Variants in RBM42 observed in about 807,000 individuals in gnomAD.
RBM42 encodes the protein RNA-binding protein 42.
In RBM42, 21 loss-of-function variants were observed where a neutral mutation model predicts 41.4. That is an observed-to-expected ratio of 0.51 (90% CI 0.36 to 0.73). The LOEUF (loss-of-function observed/expected upper bound fraction) is 0.73, where lower values mean the gene tolerates loss of function less well. RBM42 is among the 30% of genes least tolerant of loss of function. The probability of loss-of-function intolerance (pLI) is 0.00; values close to 1 mark genes in which losing one functional copy is unlikely to be tolerated. For missense variants in RBM42, 539 were observed against 680.4 expected (o/e 0.79, Z 2.31); for synonymous variants, 272 against 271.2 (o/e 1.00, Z -0.03).
In RBM42 at chr19:35,631,357, C is replaced by A. The variant is rs1013160616; in HGVS notation, c.394C>A (p.His132Asn). The A allele has an allele frequency of 2.5e-6, 4 of 1,614,096 alleles. No homozygotes were observed. The highest frequency in any genetic ancestry group is 3.4e-6 in the Non-Finnish European group (4 of 1,180,048). The change falls in exon 4 of 10, where the codon CAC becomes AAC. Residue 132 changes from histidine (H) to asparagine (N), a missense_variant. This residue lies in a region of RBM42 where 429 missense variants were observed against 488.9 expected (regional missense o/e 0.88). Transcript: ENST00000262633. The stretch of plus-strand genomic sequence containing the variant: ...TGGCTTTGGCCCTGGTGATCGGAGT[C>A]ACCTGGACAGCCCAGAGGCTCGAGA... ...PVGFGPGDRS[H>N]LDSPEAREAM...
chr19:35,634,434 C>A, intron 8 of RBM42, 61 bp downstream of exon 8: 1 of 1,247,736 alleles, frequency 8.0e-7, no homozygotes, highest in Non-Finnish European at 1.2e-6. Flanking sequence ...GGCTGCTGTC[C>A]TTGGGCTGCA....
intron 6 of RBM42, 101 bp downstream of exon 6, chr19:35,633,353 T>C: frequency 1.1e-6 from 1 of 951,310 alleles, no homozygotes; most frequent in Non-Finnish European, 1.6e-6. Context: ...TCTCCTGACT[T>C]TCTGTTTCTC....
At chr19:35,632,850 C>T (rs550483433) in intron 4 of RBM42, 86 bp from the exon 5 acceptor site, 65 of 661,592 alleles carry the variant, frequency 9.8e-5, no homozygotes, top group Admixed American at 9.3e-5. Flanking sequence ...GCTGAGAGTG[C>T]ACACACACAC....
chr19:35,637,363 C>A lies in RBM42; in HGVS notation c.1330+11C>A. ...TGCGTGAGATGAATGGTGGGTGCGG[C>A]CTCCCCTGGGAACTGCAGGCGCGGC... is the stretch of plus-strand genomic sequence containing the variant. On this transcript the variant is annotated intron_variant, in intron 9 of 9. Transcript: ENST00000262633. The surrounding 1 kb of genome is among the most constrained non-coding windows in gnomAD (Gnocchi z 7.0). 6.2e-7 allele frequency: 1 copy of A among 1,614,096 alleles called. No homozygotes were observed. The highest frequency in any genetic ancestry group is 8.5e-7 in the Non-Finnish European group (1 of 1,179,940).
At chr19:35,633,568 T>A in intron 6 of RBM42, 119 bp from the exon 7 acceptor site, 1 of 946,828 alleles carries the variant, frequency 1.1e-6, no homozygotes, top group Non-Finnish European at 1.5e-6. Flanking sequence ...GACTCTCTGC[T>A]TGGGTGTCTC....
chr19:35,631,513 A>T, intron 4 of RBM42, 108 bp downstream of exon 4: 3 of 1,031,586 alleles, frequency 2.9e-6, no homozygotes, highest in African/African-American at 1.6e-5. Flanking sequence ...CTTTGATCCC[A>T]ACTTGATGTT....
At position 35,629,700 on chromosome 19, in the gene RBM42, C is replaced by T. The variant is rs1209852428; in HGVS notation, c.282+27C>T. ...TACGGCTGAGCTAAGGCATGTAAGT[C>T]AGGGAACACAATGCCTCGAACAGAG... On this transcript the variant is annotated intron_variant, in intron 2 of 9. Transcript: ENST00000262633. 4 of 1,612,140 alleles carry T rather than the reference C, an allele frequency of 2.5e-6. No homozygotes were observed. In the Admixed American group the frequency reaches 5.0e-5, roughly 20 times the overall value.
rs1036732870 is a variant in RBM42 at position 35,637,404 on chromosome 19, C to A, written c.1331-38C>A. 3 of 1,613,168 alleles carry A rather than the reference C, an allele frequency of 1.9e-6. No homozygotes were observed. Among genetic ancestry groups the A allele is most frequent in the South Asian group, 1.1e-5 (1 of 91,032 alleles). ...CAGGCGCGGCAGGCGCTGGCCTAAG[C>A]CTGACCCGAGCCTGCCTTGAACCCT... On this transcript the variant is annotated intron_variant, in intron 9 of 9. Coordinates refer to ENST00000262633, the MANE Select transcript of RBM42 (RefSeq NM_024321.5). This position sits in a 1 kb window ranked among gnomAD's most constrained non-coding sequence, Gnocchi z 7.0.
chr19:35,636,389 A>C (rs1468712067), intron 8 of RBM42, among the ~76,000 whole-genome samples: 1 of 151,792 alleles, frequency 6.6e-6, no homozygotes, highest in East Asian at 1.9e-4. Flanking sequence ...TGAACTCTTG[A>C]GCTCAAGTCA....
In RBM42 at chr19:35,629,079, G is replaced by T; in HGVS notation, c.-75G>T. ...CCTCGGGAGCCCACCCGGACGAAGG[G>T]GGAGAGTAGACAGCAGAACCAGCGG... On this transcript the variant is annotated 5_prime_UTR_variant, in exon 1 of 10. Coordinates refer to ENST00000262633, the MANE Select transcript of RBM42 (RefSeq NM_024321.5). 3.4e-6 allele frequency: 5 copies of T among 1,460,186 alleles called. No individual in the cohort carries two copies. The South Asian group carries it at 5.3e-5, about 16-fold the overall frequency. The allele number at this position is 1,460,186 out of a possible 1,614,324, so 90.5% of individuals were successfully genotyped here. A position where few individuals can be genotyped will look rare whatever the true frequency, so the allele number is the denominator to read the frequency against.
Position 35,631,397 on chromosome 19 carries a change from G to A in RBM42, c.434G>A (p.Arg145Gln), listed in dbSNP as rs147498802. The A allele has an allele frequency of 1.7e-5, 27 of 1,614,060 alleles. No homozygotes were observed. The highest frequency in any genetic ancestry group is 1.1e-4 in the African/African-American group (8 of 74,922). Residue 145 changes from arginine to glutamine, a missense_variant, in exon 4 of 10, where the codon CGG becomes CAG. Physicochemically the swap from Arg to Gln is conservative, Grantham distance 43 (BLOSUM62 1). Transcript: ENST00000262633. ...SPEAREAMFL[R>Q]RAAVAPQRAP... ...GAGGCTCGAGAAGCCATGTTCCTGC[G>A]GCGGGCAGGTGAGTCTGGGGCCAGG...
At chr19:35,630,166 T>G (rs1331827523) in intron 2 of RBM42, among the ~76,000 whole-genome samples, 2 of 151,688 alleles carry the variant, frequency 1.3e-5, no homozygotes, top group African/African-American at 4.8e-5. Flanking sequence ...TTACAAAAAT[T>G]AGCTGGGTGT....
chr19:35,634,655 A>ATT (rs1212390806), intron 8 of RBM42, among the ~76,000 whole-genome samples: 1 of 150,562 alleles, frequency 6.6e-6, no homozygotes, highest in Non-Finnish European at 1.5e-5. Flanking sequence ...TTAGGATAAA[A>ATT]ATTTTTTTTT....
At chr19:35,632,231 C>T (rs910580696) in intron 4 of RBM42, among the ~76,000 whole-genome samples, 8 of 152,116 alleles carry the variant, frequency 5.3e-5, no homozygotes, top group Non-Finnish European at 7.4e-5. Flanking sequence ...GCAAATCTGA[C>T]CTACTTCCCC....
At chr19:35,630,746 A>G (rs1967391147) in intron 2 of RBM42, among the ~76,000 whole-genome samples, 1 of 152,232 alleles carries the variant, frequency 6.6e-6, no homozygotes, top group East Asian at 1.9e-4. Flanking sequence ...AGCCTGGACA[A>G]TAGAGCGAGA....
chr19:35,629,167 G>A lies in RBM42; in HGVS notation c.14G>A (p.Gly5Glu). 6.6e-7 allele frequency: 1 copy of A among 1,523,158 alleles called. No homozygotes were observed. Among genetic ancestry groups the A allele is most frequent in the African/African-American group, 1.4e-5 (1 of 71,556 alleles). The allele number at this position is 1,523,158 out of a possible 1,614,324, so 94.4% of individuals were successfully genotyped here. A position where few individuals can be genotyped will look rare whatever the true frequency, so the allele number is the denominator to read the frequency against. The change falls in exon 1 of 10, where the codon GGG (glycine) becomes GAG (glutamate). Residue 5 changes from glycine to glutamate, a missense_variant. Physicochemically the swap from Gly to Glu is moderately conservative, Grantham distance 98 (BLOSUM62 -2). Around this residue, in one of 2 missense-constraint regions of RBM42, gnomAD observed 429 missense variants for 488.9 expected, o/e 0.88. Coordinates refer to ENST00000262633, the MANE Select transcript of RBM42 (RefSeq NM_024321.5). MAGA[G>E]PAPGLPGAGG... is the part of the protein sequence containing the mutation. ...ACGACGGCAGCGATGGCTGGGGCGGGGCCAGCCCCGGGACTCCCGGGTGCA... is the reference window on the plus strand; with the variant it reads ...ACGACGGCAGCGATGGCTGGGGCGGAGCCAGCCCCGGGACTCCCGGGTGCA...
chr19:35,634,419 G>C, intron 8 of RBM42, 46 bp downstream of exon 8: 4 of 1,415,008 alleles, frequency 2.8e-6, no homozygotes, highest in Non-Finnish European at 3.0e-6. Context: ...GCCAAGGTCA[G>C]ACCAGGCTGC....
In RBM42 at chr19:35,633,717, C is replaced by T; in HGVS notation, c.715C>T (p.Leu239=). 1.4e-6 allele frequency: 2 copies of T among 1,478,684 alleles called. No homozygotes were observed. Among genetic ancestry groups the T allele is most frequent in the Non-Finnish European group, 1.8e-6 (2 of 1,120,614 alleles). The allele number at this position is 1,478,684 out of a possible 1,614,324, so 91.6% of individuals were successfully genotyped here. Residue 239 remains leucine (L), a synonymous_variant, in exon 7 of 10, where the codon CTA becomes TTA. Coordinates refer to ENST00000262633, the MANE Select transcript of RBM42 (RefSeq NM_024321.5). Reference sequence around the variant, plus strand: ...GCCAGCAGCACCCCGAGAGCTGGGCCTAGGCCTGGGGTTGGGCCTGAAAGA... The same window carrying T: ...GCCAGCAGCACCCCGAGAGCTGGGCTTAGGCCTGGGGTTGGGCCTGAAAGA... ...EEPAAPRELG[L]GLGLGLKEKE...
chr19:35,634,656 ATT>A (rs74276917), intron 8 of RBM42, among the ~76,000 whole-genome samples: 20 of 139,782 alleles, frequency 1.4e-4, no homozygotes, highest in Non-Finnish European at 1.6e-4. Context: ...TAGGATAAAA[ATT>A]TTTTTTTTTT....
Sources: allele counts gnomAD v4.1 joint callset (sites outside exome capture counted in the v4.1 genomes callset), GRCh38; gene constraint gnomAD v4.1.1; regional missense constraint gnomAD v4.1.1; non-coding constraint Gnocchi (gnomAD v3.1); transcripts MANE v1.5; gene names NCBI Gene and HGNC (gene_info 2026-07-23, HGNC 2026-07-21).